Variants in TAPT1 observed in about 807,000 individuals in gnomAD.
TAPT1 encodes the protein transmembrane anterior posterior transformation 1.
Under a neutral mutation model 65.6 loss-of-function variants are expected in TAPT1, and 28 were observed. The ratio of observed to expected loss-of-function variants is 0.43; its 90% CI spans 0.32 to 0.59. TAPT1 has a LOEUF of 0.59. Among genes scored for constraint, TAPT1 ranks in the 20% least tolerant of loss-of-function variants. The probability of loss-of-function intolerance (pLI) is 0.09; values close to 1 mark genes in which losing one functional copy is unlikely to be tolerated. For synonymous variants in TAPT1, 278 were observed against 245.2 expected (o/e 1.13, Z -1.25); for missense variants, 563 against 679.9 (o/e 0.83, Z 1.91).
intron 3 of TAPT1, among the ~76,000 whole-genome samples, chr4:16,198,694 T>C (rs1182122720): frequency 6.6e-6 from 1 of 152,110 alleles, no homozygotes; most frequent in African/African-American, 2.4e-5. Flanking sequence ...GGATGGAACA[T>C]GACATCACTA....
chr4:16,179,292 A>G (rs1461504848), intron 8 of TAPT1: 2 of 280,604 alleles, frequency 7.1e-6, no homozygotes, highest in Admixed American at 1.1e-4. Flanking sequence ...CTGTGACACA[A>G]TGGTAAGTGT....
chr4:16,186,063 G>A (rs1443838043), intron 7 of TAPT1, among the ~76,000 whole-genome samples: 2 of 152,174 alleles, frequency 1.3e-5, no homozygotes, highest in Admixed American at 1.3e-4. Flanking sequence ...GTAAGACAAT[G>A]ACTCCAGGCA....
At chr4:16,201,067 A>T (rs970679222) in intron 3 of TAPT1, among the ~76,000 whole-genome samples, 1 of 152,222 alleles carries the variant, frequency 6.6e-6, no homozygotes, top group Admixed American at 6.5e-5. Flanking sequence ...TATAACAATG[A>T]CAGGAGCTGA....
intron 2 of TAPT1, among the ~76,000 whole-genome samples, chr4:16,211,382 C>CTAT (rs1387226798): frequency 6.6e-6 from 1 of 152,056 alleles, no homozygotes; most frequent in Non-Finnish European, 1.5e-5. Flanking sequence ...AAAATAAAGG[C>CTAT]CTTAAAGATA....
At chr4:16,185,331 C>G (rs961311255) in intron 7 of TAPT1, among the ~76,000 whole-genome samples, 5 of 151,440 alleles carry the variant, frequency 3.3e-5, no homozygotes, top group Non-Finnish European at 5.9e-5. Flanking sequence ...TAGGGAGAGA[C>G]ATAATCCATA....
rs142807345 is a variant in TAPT1 at position 16,202,334 on chromosome 4, A to C, written c.449+128T>G. 509 of 490,462 alleles carry C rather than the reference A, an allele frequency of 1.0e-3. 11 individuals are homozygous for C. The East Asian group carries it at 0.018, about 17-fold the overall frequency. The allele number at this position is 490,462 out of a possible 1,614,324, so 30.4% of individuals were successfully genotyped here. Reference sequence around the variant, plus strand: ...TTATATAATATCCATTAAAAAGGTAAACAGTTTATGCATGAAGGGCCAAAG... The same window carrying C: ...TTATATAATATCCATTAAAAAGGTACACAGTTTATGCATGAAGGGCCAAAG... On this transcript the variant is annotated intron_variant, in intron 3 of 13. Coordinates refer to ENST00000405303, the MANE Select transcript of TAPT1 (RefSeq NM_153365.3).
At position 16,163,551 on chromosome 4, in the gene TAPT1, G is replaced by C; in HGVS notation, c.1475-14C>G. ...CTGTGGAAAGGCCTGTGATAAAATA[G>C]ATCCATTAAATTAGAGAAAGACTTT... On this transcript the variant is annotated splice_polypyrimidine_tract_variant and intron_variant, in intron 13 of 13. Coordinates refer to ENST00000405303, the MANE Select transcript of TAPT1 (RefSeq NM_153365.3). 3 of 1,576,284 alleles carry C rather than the reference G, an allele frequency of 1.9e-6. No homozygotes were observed. Among genetic ancestry groups the C allele is most frequent in the Non-Finnish European group, 2.6e-6 (3 of 1,148,672 alleles).
upstream of TAPT1, chr4:16,226,973 T>G (rs1439950795): frequency 4.5e-6 from 2 of 448,288 alleles, no homozygotes; most frequent in East Asian, 1.4e-4. Context: ...GCCCGCCAGG[T>G]CTTGGCACTG....
chr4:16,215,023 G>A (rs1402529610), intron 1 of TAPT1, among the ~76,000 whole-genome samples: 1 of 152,156 alleles, frequency 6.6e-6, no homozygotes, highest in Non-Finnish European at 1.5e-5. Context: ...CAGGCACGGT[G>A]GCTCACGCCT....
At position 16,226,395 on chromosome 4, in the gene TAPT1, C is replaced by T; in HGVS notation, c.63G>A (p.Pro21=). ...CCGCCTCGCCGCGGCCGTCCCGCTG[C>T]GGGCCGTCCACGCCGCCACCGCCGC... ...GEGGGGGVDG[P]QRDGRGEAEQ... The change falls in exon 1 of 14, where the codon CCG becomes CCA. Residue 21 remains proline (P), a synonymous_variant. Coordinates refer to ENST00000405303, the MANE Select transcript of TAPT1 (RefSeq NM_153365.3). The T allele has an allele frequency of 1.8e-6, 2 of 1,096,754 alleles. No individual in the cohort carries two copies. The highest frequency in any genetic ancestry group is 2.2e-6 in the Non-Finnish European group (2 of 902,736). 67.9% of individuals were successfully genotyped at this position (1,096,754 alleles called of 1,614,324 possible).
At chr4:16,221,468 T>C (rs926769379) in intron 1 of TAPT1, among the ~76,000 whole-genome samples, 5 of 152,166 alleles carry the variant, frequency 3.3e-5, no homozygotes, top group Admixed American at 6.5e-5. Context: ...TACCACAGAA[T>C]TGCTCTGTGA....
chr4:16,187,334 C>G (rs1224133541), intron 5 of TAPT1, among the ~76,000 whole-genome samples: 1 of 152,112 alleles, frequency 6.6e-6, no homozygotes, highest in Non-Finnish European at 1.5e-5. Flanking sequence ...ATTTTCTTCC[C>G]TGAGTCTTCA....
At chr4:16,203,337 A>G (rs1750148776) in intron 2 of TAPT1, among the ~76,000 whole-genome samples, 1 of 152,210 alleles carries the variant, frequency 6.6e-6, no homozygotes, top group South Asian at 2.1e-4. Flanking sequence ...TCTTTAGTCA[A>G]TAAATTGCCC....
chr4:16,188,720 A>G (rs1003566841), intron 4 of TAPT1, among the ~76,000 whole-genome samples: 1 of 151,884 alleles, frequency 6.6e-6, no homozygotes, highest in Non-Finnish European at 1.5e-5. Flanking sequence ...GGAGATTGAG[A>G]CCATCCTGGC....
chr4:16,196,006 C>T (rs1252081999), intron 3 of TAPT1, among the ~76,000 whole-genome samples: 1 of 152,108 alleles, frequency 6.6e-6, no homozygotes, highest in African/African-American at 2.4e-5. Flanking sequence ...CGCTCTCTCT[C>T]AATATTTTCA....
intron 7 of TAPT1, among the ~76,000 whole-genome samples, chr4:16,186,182 A>G (rs58047733): frequency 0.17 from 26,362 of 152,242 alleles, 2,690 homozygotes; most frequent in East Asian, 0.3. Context: ...AGATTTATAG[A>G]CATAGTTCTC....
intron 12 of TAPT1, 88 bp from the exon 13 acceptor site, chr4:16,166,881 TGG>T: frequency 7.7e-7 from 1 of 1,300,426 alleles, no homozygotes; most frequent in Non-Finnish European, 1.1e-6. Flanking sequence ...AAGGAGAAGG[TGG>T]GGGGGCATGG....
At chr4:16,192,034 G>A (rs1029329074) in intron 3 of TAPT1, among the ~76,000 whole-genome samples, 6 of 152,238 alleles carry the variant, frequency 3.9e-5, no homozygotes, top group South Asian at 4.1e-4. Flanking sequence ...TTTATTTAAC[G>A]TATAACTGAC....
At chr4:16,201,045 C>G (rs1163136993) in intron 3 of TAPT1, among the ~76,000 whole-genome samples, 2 of 152,126 alleles carry the variant, frequency 1.3e-5, no homozygotes, top group Non-Finnish European at 2.9e-5. Context: ...AAGTAAGTTA[C>G]AGAATATAGC....
Sources: allele counts gnomAD v4.1 joint callset (sites outside exome capture counted in the v4.1 genomes callset), GRCh38; gene constraint gnomAD v4.1.1; transcripts MANE v1.5; gene names NCBI Gene and HGNC (gene_info 2026-07-23, HGNC 2026-07-21).